Variants in ARHGAP15 observed in about 807,000 individuals in gnomAD.
ARHGAP15 encodes the protein Rho GTPase activating protein 15.
A neutral mutation model predicts 63.7 loss-of-function variants in ARHGAP15; 51 were observed. The ratio of observed to expected loss-of-function variants is 0.80; its 90% CI spans 0.64 to 1.01. The LOEUF (loss-of-function observed/expected upper bound fraction) is 1.01, where lower values mean the gene tolerates loss of function less well. Among genes scored for constraint, ARHGAP15 ranks in the 50% least tolerant of loss-of-function variants. The pLI, the probability that ARHGAP15 is intolerant of heterozygous loss-of-function variation, is 0.00. For synonymous variants in ARHGAP15, 191 were observed against 193.8 expected, an observed-to-expected ratio of 0.99 and a Z score of 0.12; for missense variants, 560 against 564.6, an observed-to-expected ratio of 0.99 and a Z score of 0.08.
At chr2:143,461,845 T>C (rs1690956450) in intron 8 of ARHGAP15, among the ~76,000 whole-genome samples, 1 of 152,144 alleles carries the variant, frequency 6.6e-6, no homozygotes. Flanking sequence ...TTAGCAATAG[T>C]TCCAATAGGA....
At chr2:143,134,163 CTATCATCT>C (rs1351422144) in intron 1 of ARHGAP15, among the ~76,000 whole-genome samples, 34 of 126,102 alleles carry the variant, frequency 2.7e-4, no homozygotes, top group African/African-American at 9.3e-4. Context: ...ACCTATCTAT[CTATCATCT>C]ATCTATCTAT....
chr2:143,579,819 C>G (rs985556718), intron 11 of ARHGAP15, among the ~76,000 whole-genome samples: 1 of 151,774 alleles, frequency 6.6e-6, no homozygotes, highest in African/African-American at 2.4e-5. Flanking sequence ...TTTTCCAGCA[C>G]TCCCTGCACA....
chr2:143,177,634 C>T (rs1425261866), intron 2 of ARHGAP15, among the ~76,000 whole-genome samples: 4 of 152,188 alleles, frequency 2.6e-5, no homozygotes, highest in African/African-American at 7.2e-5. Flanking sequence ...TGGGGTTCCT[C>T]ATCCTTTCAG....
intron 9 of ARHGAP15, among the ~76,000 whole-genome samples, chr2:143,515,169 A>G (rs147210395): frequency 8.0e-4 from 120 of 150,910 alleles, no homozygotes; most frequent in Non-Finnish European, 1.4e-3. Context: ...CTTGTGCTTC[A>G]TCTTCCCCAC....
intron 2 of ARHGAP15, among the ~76,000 whole-genome samples, chr2:143,165,944 A>AG (rs1690485999): frequency 2.5e-5 from 3 of 118,202 alleles, no homozygotes; most frequent in East Asian, 2.4e-4. Context: ...AAAAGAAAAG[A>AG]AGAAAGAAAG....
chr2:143,619,824 C>T (rs1269586860), intron 11 of ARHGAP15, among the ~76,000 whole-genome samples: 2 of 152,192 alleles, frequency 1.3e-5, no homozygotes, highest in African/African-American at 2.4e-5. Context: ...GCTTCCCCTT[C>T]ACCTTCTCCC....
At chr2:143,167,019 A>G (rs1230436617) in intron 2 of ARHGAP15, among the ~76,000 whole-genome samples, 1 of 152,124 alleles carries the variant, frequency 6.6e-6, no homozygotes, top group Non-Finnish European at 1.5e-5. Context: ...TATGAATACG[A>G]ATGAAAGTGT....
intron 3 of ARHGAP15, among the ~76,000 whole-genome samples, chr2:143,210,164 A>G (rs1692511062): frequency 1.3e-5 from 2 of 152,208 alleles, no homozygotes; most frequent in Non-Finnish European, 2.9e-5. Flanking sequence ...ACAAATAAAT[A>G]GAATTCAGGG....
At chr2:143,693,721 T>C (rs1683715993) in intron 12 of ARHGAP15, among the ~76,000 whole-genome samples, 1 of 152,224 alleles carries the variant, frequency 6.6e-6, no homozygotes, top group South Asian at 2.1e-4. Context: ...ATTAGGACGT[T>C]GATAGTTAGG....
chr2:143,541,496 A>G (rs897721777), intron 10 of ARHGAP15, among the ~76,000 whole-genome samples: 2 of 151,884 alleles, frequency 1.3e-5, no homozygotes, highest in African/African-American at 2.4e-5. Flanking sequence ...TTTTTTCCCC[A>G]TCTTTGTGGT....
chr2:143,763,360 A>G (rs1292373914), intron 13 of ARHGAP15, among the ~76,000 whole-genome samples: 1 of 152,106 alleles, frequency 6.6e-6, no homozygotes, highest in Non-Finnish European at 1.5e-5. Flanking sequence ...TAACAGCATT[A>G]ATACATTTTC....
chr2:143,688,422 A>C (rs1683447487), intron 12 of ARHGAP15, among the ~76,000 whole-genome samples: 1 of 152,186 alleles, frequency 6.6e-6, no homozygotes, highest in Non-Finnish European at 1.5e-5. Context: ...ATGCCCCCAG[A>C]GCTTTCACCT....
intron 1 of ARHGAP15, among the ~76,000 whole-genome samples, chr2:143,131,459 A>G (rs926541445): frequency 9.2e-5 from 14 of 152,164 alleles, no homozygotes; most frequent in African/African-American, 2.9e-4. Context: ...GCATTCAGTA[A>G]GATTCAGAAA....
At chr2:143,688,334 C>A (rs940013120) in intron 12 of ARHGAP15, among the ~76,000 whole-genome samples, 17 of 152,112 alleles carry the variant, frequency 1.1e-4, no homozygotes, top group Admixed American at 8.5e-4. Context: ...TAGTATCTCT[C>A]CAGAGCAATG....
chr2:143,223,371 T>C (rs997597240), intron 4 of ARHGAP15, among the ~76,000 whole-genome samples: 3 of 152,218 alleles, frequency 2.0e-5, no homozygotes, highest in African/African-American at 7.2e-5. Context: ...CTGTGGAAAC[T>C]GATGGCTGTC....
chr2:143,132,218 TAG>T (rs1188135451), intron 1 of ARHGAP15, among the ~76,000 whole-genome samples: 1 of 152,224 alleles, frequency 6.6e-6, no homozygotes, highest in Non-Finnish European at 1.5e-5. Context: ...AATTTGAGCT[TAG>T]AGTGTGCAAA....
At chr2:143,194,644 T>C (rs1691817441) in intron 2 of ARHGAP15, among the ~76,000 whole-genome samples, 1 of 152,110 alleles carries the variant, frequency 6.6e-6, no homozygotes, top group African/African-American at 2.4e-5. Flanking sequence ...TAAAAGCCGA[T>C]TTGAAGGCTA....
intron 5 of ARHGAP15, among the ~76,000 whole-genome samples, chr2:143,241,112 T>A (rs1441428477): frequency 6.6e-6 from 1 of 152,192 alleles, no homozygotes; most frequent in Non-Finnish European, 1.5e-5. Context: ...AAAATGAGCT[T>A]TTACCCCACA....
rs117816478 is a variant in ARHGAP15, at chr2:143,456,682, G to A, written c.703+19640G>A. On this transcript the variant is annotated intron_variant, in intron 8 of 13. Transcript: ENST00000295095. ...GAGGAAACACAGATATTTAGTTTTG[G>A]AGTCTAGATTATAACTTCAGCAGTC... is the stretch of plus-strand genomic sequence containing the variant. Among the ~76,000 whole-genome samples the A allele has an allele frequency of 4.9e-3, 749 of 151,982 alleles. 33 individuals carry two copies. The East Asian group carries it at 0.12, about 23-fold the overall frequency.
Sources: allele counts gnomAD v4.1 joint callset (sites outside exome capture counted in the v4.1 genomes callset), GRCh38; gene constraint gnomAD v4.1.1; transcripts MANE v1.5; gene names NCBI Gene and HGNC (gene_info 2026-07-23, HGNC 2026-07-21).